The following VPS13D variants were observed in gnomAD, a reference collection of about 807,000 sequenced individuals.
VPS13D encodes intermembrane lipid transfer protein VPS13D.
In VPS13D, 187 loss-of-function variants were observed where a neutral mutation model predicts 461.9. That is an observed-to-expected ratio of 0.40 (90% CI 0.36 to 0.46). The LOEUF (loss-of-function observed/expected upper bound fraction) is 0.46, where lower values mean the gene tolerates loss of function less well. Ranked by LOEUF, VPS13D falls within the 20% of genes least tolerant of loss-of-function variation. The probability of loss-of-function intolerance (pLI) is 0.60; values close to 1 mark genes in which losing one functional copy is unlikely to be tolerated. For synonymous variants in VPS13D, 1,951 were observed against 1,986.3 expected, an observed-to-expected ratio of 0.98 and a Z score of 0.47; for missense variants, 4,711 against 5,364.9, an observed-to-expected ratio of 0.88 and a Z score of 3.81.
intron 7 of VPS13D, among the ~76,000 whole-genome samples, chr1:12,255,084 T>C (rs567960711): frequency 6.6e-6 from 1 of 152,194 alleles, no homozygotes; most frequent in African/African-American, 2.4e-5. Flanking sequence ...TAGCTGGGAT[T>C]ACAGGTGCAT....
chr1:12,380,476 T>A (rs558341745), intron 57 of VPS13D, among the ~76,000 whole-genome samples: 3 of 147,194 alleles, frequency 2.0e-5, no homozygotes, highest in Non-Finnish European at 3.0e-5. Flanking sequence ...AGTTTCCTCC[T>A]CAGCCAGTCT....
At chr1:12,449,324 C>CTCT (rs1645232464) in intron 65 of VPS13D, among the ~76,000 whole-genome samples, 1 of 152,004 alleles carries the variant, frequency 6.6e-6, no homozygotes, top group Non-Finnish European at 1.5e-5. Context: ...AAAAGCACTC[C>CTCT]TCTTCTAGTG....
At chr1:12,300,934 T>G (rs533831263) in intron 25 of VPS13D, among the ~76,000 whole-genome samples, 27 of 152,288 alleles carry the variant, frequency 1.8e-4, no homozygotes, top group Admixed American at 1.6e-3. Flanking sequence ...GCAAACTCGT[T>G]TTAGTGTGTC....
rs763042688 is a variant in VPS13D, at chr1:12,326,321, A to ATTTTT, written c.7991-1310_7991-1306dup. On this transcript the variant is annotated intron_variant, in intron 35 of 69. Transcript: ENST00000620676. The stretch of plus-strand genomic sequence containing the variant: ...AATTAAAGTTCTGAGAACCTTTTGG[A>ATTTTT]TTTTTTTTTTTTTTTTTTTTTAATT... Among the ~76,000 whole-genome samples the ATTTTT allele has an allele frequency of 1.4e-4, 7 of 49,280 alleles. No homozygotes were observed. In the East Asian group the frequency reaches 1.4e-3, roughly 10 times the overall value. 32.3% of individuals were successfully genotyped at this position (49,280 alleles called of 152,430 possible).
intron 67 of VPS13D, among the ~76,000 whole-genome samples, chr1:12,475,506 A>G (rs569062082): frequency 6.6e-6 from 1 of 152,362 alleles, no homozygotes; most frequent in East Asian, 1.9e-4. Flanking sequence ...GGATTCTAAA[A>G]ATAAAAAAGC....
chr1:12,441,547 G>T (rs559999699), intron 65 of VPS13D, among the ~76,000 whole-genome samples: 5 of 152,328 alleles, frequency 3.3e-5, no homozygotes, highest in Admixed American at 2.6e-4. Flanking sequence ...GCAGTGGTTT[G>T]TGTGCATGGA....
At chr1:12,396,582 CTG>C (rs1204723687) in intron 60 of VPS13D, among the ~76,000 whole-genome samples, 3 of 152,182 alleles carry the variant, frequency 2.0e-5, no homozygotes, top group African/African-American at 7.2e-5. Flanking sequence ...AAGCCCCAGA[CTG>C]TGGTTCTTTT....
At position 12,276,443 on chromosome 1, in the gene VPS13D, C is replaced by T. The variant is rs148989384; in HGVS notation, c.2855C>T (p.Ser952Leu). The T allele has an allele frequency of 3.3e-5, 53 of 1,614,134 alleles. No individual in the cohort carries two copies. Among genetic ancestry groups the T allele is most frequent in the Middle Eastern group, 1.6e-4 (1 of 6,062 alleles). The part of the protein sequence containing the change: ...EQHTREVLVE[S>L]QLLLAEFKVN... ...CATACCCGCGAGGTTCTGGTGGAGT[C>T]GCAGCTCCTCCTGGCGGAATTTAAA... Residue 952 changes from serine to leucine, a missense_variant, in exon 19 of 70, where the codon TCG becomes TTG. By Grantham distance (145) the Ser-to-Leu change is moderately radical. Coordinates refer to ENST00000620676, the MANE Select transcript of VPS13D (RefSeq NM_015378.4). The surrounding 1 kb of genome is among the most constrained non-coding windows in gnomAD (Gnocchi z 4.5).
chr1:12,362,721 T>G lies in VPS13D; in HGVS notation c.10143T>G (p.Gly3381=), dbSNP rs146044122. 4.3e-6 allele frequency: 7 copies of G among 1,613,930 alleles called. No homozygotes were observed. Among genetic ancestry groups the G allele is most frequent in the Middle Eastern group, 1.6e-4 (1 of 6,062 alleles). ...GNRPGLIYNI[G]IDVKKGRGRY... is the part of the protein sequence containing the mutation. ...AAAAGTGGTTCTTGTTATTTGTAGGTATTGATGTCAAGAAAGGCCGAGGTC... is the reference window on the plus strand; with the variant it reads ...AAAAGTGGTTCTTGTTATTTGTAGGGATTGATGTCAAGAAAGGCCGAGGTC... The change falls in exon 51 of 70, where the codon GGT becomes GGG. Residue 3381 remains glycine (G), a splice_region_variant and synonymous_variant. Coordinates refer to ENST00000620676, the MANE Select transcript of VPS13D (RefSeq NM_015378.4).
At chr1:12,308,022 ATTTG>A (rs879775024) in intron 26 of VPS13D, among the ~76,000 whole-genome samples, 15 of 152,224 alleles carry the variant, frequency 9.9e-5, no homozygotes, top group Admixed American at 3.9e-4. Flanking sequence ...ATGTGGCAGT[ATTTG>A]TTTGAAAAAA....
chr1:12,468,975 A>G (rs1645528561), intron 67 of VPS13D, among the ~76,000 whole-genome samples: 2 of 152,098 alleles, frequency 1.3e-5, no homozygotes, highest in South Asian at 2.1e-4. Context: ...TCAAGGCTGC[A>G]GTGAGCTGAG....
intron 30 of VPS13D, 97 bp downstream of exon 30, chr1:12,314,424 C>A: frequency 8.5e-7 from 1 of 1,172,118 alleles, no homozygotes; most frequent in Non-Finnish European, 1.2e-6. Context: ...ACCAAGGAAT[C>A]ACTAGACAGA....
intron 1 of VPS13D, among the ~76,000 whole-genome samples, chr1:12,230,877 C>T (rs145470360): frequency 1.3e-5 from 2 of 152,072 alleles, no homozygotes; most frequent in African/African-American, 2.4e-5. Context: ...GGTCTCTGTC[C>T]CCTGGAGGGG....
In VPS13D at chr1:12,295,998, TTGA is replaced by T. The variant is rs1175159055; in HGVS notation, c.6033+2296_6033+2298del. ...CTTGCTTTTCCCCCCATTTAGTGTG[TTGA>T]TAAGATTCATTCATATTGTTACATA... On this transcript the variant is annotated intron_variant, in intron 24 of 69. Coordinates refer to ENST00000620676, the MANE Select transcript of VPS13D (RefSeq NM_015378.4). Among the ~76,000 whole-genome samples the T allele has an allele frequency of 5.3e-5, 8 of 152,372 alleles. No individual in the cohort carries two copies. The South Asian group carries it at 1.7e-3, about 32-fold the overall frequency.
chr1:12,259,313 C>CTTTT lies in VPS13D; in HGVS notation c.1110+1212_1110+1215dup, dbSNP rs1422676674. ...CAGCCTTCACCACCCCCAGCCTACT[C>CTTTT]TTTTTATTTTTTTTTTTTTTGAGAC... On this transcript the variant is annotated intron_variant, in intron 10 of 69. Coordinates refer to ENST00000620676, the MANE Select transcript of VPS13D (RefSeq NM_015378.4). 3.6e-4 allele frequency among the ~76,000 whole-genome samples: 52 copies of CTTTT among 146,234 alleles called. 1 individual carries two copies. The highest frequency in any genetic ancestry group is 1.4e-3 in the African/African-American group (52 of 37,934).
At chr1:12,379,032 T>C (rs1377198405) in intron 56 of VPS13D, among the ~76,000 whole-genome samples, 1 of 152,264 alleles carries the variant, frequency 6.6e-6, no homozygotes, top group African/African-American at 2.4e-5. Flanking sequence ...TTGATTTGCC[T>C]GTGCCTTAGT....
In VPS13D at chr1:12,416,786, AT is replaced by A; in HGVS notation, c.12293del (p.Ile4098ThrfsTer23). ...LIKYGNVGGLIRNVTHGVSNS... is the reference protein window; with the variant it reads ...LIKYGNVGGLXRNVTHGVSNS... ...AAAATATGGAAATGTCGGGGGCCTC[AT>A]CAGAAATGTTACACACGGAGTATCA... On this transcript the variant is annotated frameshift_variant, in exon 65 of 70. Coordinates refer to ENST00000620676, the MANE Select transcript of VPS13D (RefSeq NM_015378.4). LOFTEE classifies it high-confidence loss of function. 1 of 1,613,778 alleles carries A rather than the reference AT, an allele frequency of 6.2e-7. No homozygotes were observed. The highest frequency in any genetic ancestry group is 8.5e-7 in the Non-Finnish European group (1 of 1,179,918).
chr1:12,385,518 T>A (rs1213396709), intron 59 of VPS13D, 145 bp downstream of exon 59: 2 of 632,436 alleles, frequency 3.2e-6, no homozygotes, highest in Non-Finnish European at 5.3e-6. Context: ...TGTTTATCAG[T>A]GAATGTGTGA....
At chr1:12,482,324 C>T (rs1054838790) in intron 67 of VPS13D, among the ~76,000 whole-genome samples, 18 of 152,208 alleles carry the variant, frequency 1.2e-4, no homozygotes, top group East Asian at 7.7e-4. Context: ...GCCATTCTGA[C>T]GCCTTCTTTC....
Sources: allele counts gnomAD v4.1 joint callset (sites outside exome capture counted in the v4.1 genomes callset), GRCh38; gene constraint gnomAD v4.1.1; non-coding constraint Gnocchi (gnomAD v3.1); transcripts MANE v1.5; gene names NCBI Gene and HGNC (gene_info 2026-07-23, HGNC 2026-07-21).